PIGG: variants seen among roughly 807,000 people sequenced by gnomAD.
The protein encoded by PIGG is GPI ethanolamine phosphate transferase 2, catalytic subunit.
PIGG carries 70 observed loss-of-function variants against 83.2 expected under a neutral mutation model. The observed-to-expected ratio is 0.84, with a 90% CI of 0.69 to 1.03. The LOEUF (loss-of-function observed/expected upper bound fraction) is 1.03. Ranked by LOEUF, PIGG falls within the 50% of genes least tolerant of loss-of-function variation. PIGG has a pLI of 0.00. For synonymous variants in PIGG, 532 were observed against 519.5 expected (o/e 1.02, Z -0.33); for missense variants, 1,257 against 1,233.6 (o/e 1.02, Z -0.28).
At chr4:530,948 T>C (rs920485243) in intron 11 of PIGG, 4 of 559,130 alleles carry the variant, frequency 7.2e-6, no homozygotes, top group African/African-American at 1.9e-5. Flanking sequence ...GTGTGGGTGC[T>C]TAAGACAGCA....
In PIGG at chr4:533,831, A is replaced by G. The variant is rs1480114110; in HGVS notation, c.2585A>G (p.Asn862Ser). 2 of 1,614,136 alleles carry G rather than the reference A, an allele frequency of 1.2e-6. No individual in the cohort carries two copies. The highest frequency in any genetic ancestry group is 1.7e-5 in the Admixed American group (1 of 60,028). Residue 862 changes from asparagine to serine, a missense_variant, in exon 12 of 13, where the codon AAC becomes AGC. Coordinates refer to ENST00000453061, the MANE Select transcript of PIGG (RefSeq NM_001127178.3). ...AFFYFQGNSN[N>S]IATVDISAGF... is the part of the protein sequence containing the mutation. ...CCTGTATTCCAGGGCAACTCCAACA[A>G]CATTGCCACCGTGGACATCTCCGCA...
intron 5 of PIGG, among the ~76,000 whole-genome samples, chr4:512,869 G>C (rs1421631799): frequency 6.6e-6 from 1 of 152,130 alleles, no homozygotes; most frequent in Non-Finnish European, 1.5e-5. Context: ...TTCTCTATTT[G>C]ATGAGGAAAA....
intron 6 of PIGG, among the ~76,000 whole-genome samples, chr4:519,037 G>A (rs1268892798): frequency 6.6e-6 from 1 of 151,966 alleles, no homozygotes; most frequent in East Asian, 1.9e-4. Flanking sequence ...CGAATTCCTG[G>A]GTACCGTTTA....
intron 2 of PIGG, among the ~76,000 whole-genome samples, chr4:504,310 CT>C (rs1560275064): frequency 1.3e-5 from 2 of 152,146 alleles, no homozygotes; most frequent in African/African-American, 4.8e-5. Context: ...TTCAGCACCC[CT>C]GATGTGTTTT....
At position 528,321 on chromosome 4, in the gene PIGG, T is replaced by G; in HGVS notation, c.2261+1091T>G. The G allele has an allele frequency of 2.0e-6, 2 of 985,110 alleles. No homozygotes were observed. Among genetic ancestry groups the G allele is most frequent in the Non-Finnish European group, 2.4e-6 (2 of 829,584 alleles). The allele number at this position is 985,110 out of a possible 1,614,324, so 61.0% of individuals were successfully genotyped here. ...AATCATAAGATTGTGGTCTTGCTTT[T>G]TACTTATTTTTGTATCTTAGCGATG... On this transcript the variant is annotated intron_variant, in intron 10 of 12. Transcript: ENST00000453061. The surrounding 1 kb of genome is among the most constrained non-coding windows in gnomAD (Gnocchi z 4.8).
intron 5 of PIGG, among the ~76,000 whole-genome samples, chr4:512,380 T>C (rs1222616245): frequency 1.3e-5 from 2 of 151,410 alleles, no homozygotes; most frequent in Non-Finnish European, 2.9e-5. Context: ...CCACCACCGG[T>C]TAATTTTTGT....
rs782589600 is a variant in PIGG, at chr4:505,947, A to C, written c.570+20A>C. ...ACAGAGGTCAGTTTTTAAAATAAGA[A>C]AATATATCATACTAGAATATCATAC... is the stretch of plus-strand genomic sequence containing the variant. On this transcript the variant is annotated intron_variant, in intron 3 of 12. Transcript: ENST00000453061. The C allele has an allele frequency of 2.7e-6, 4 of 1,498,050 alleles. No individual in the cohort carries two copies. In the East Asian group the frequency reaches 9.0e-5, roughly 34 times the overall value. The allele number at this position is 1,498,050 out of a possible 1,614,324, so 92.8% of individuals were successfully genotyped here.
chr4:534,013 T>G, intron 12 of PIGG, 32 bp downstream of exon 12: 1 of 1,604,466 alleles, frequency 6.2e-7, no homozygotes, highest in Non-Finnish European at 8.5e-7. Context: ...AGCACAGTTC[T>G]GGGGGCCGGC....
chr4:533,747 C>G (rs1729656647), intron 11 of PIGG, 71 bp from the exon 12 acceptor site: 1 of 1,441,166 alleles, frequency 6.9e-7, no homozygotes, highest in Non-Finnish European at 9.7e-7. Context: ...AACATCGTGG[C>G]TCACGCTAAC....
chr4:507,294 C>G, intron 3 of PIGG, 111 bp from the exon 4 acceptor site: 1 of 833,052 alleles, frequency 1.2e-6, no homozygotes. Context: ...CCCCCAAATC[C>G]TGTAACCTGA....
intron 8 of PIGG, among the ~76,000 whole-genome samples, chr4:522,994 G>A (rs1726457863): frequency 6.6e-6 from 1 of 152,194 alleles, no homozygotes; most frequent in African/African-American, 2.4e-5. Context: ...TTGGTGGGAT[G>A]TATTGTTGAG....
At chr4:535,387 G>A (rs985553366) in intron 12 of PIGG, among the ~76,000 whole-genome samples, 3 of 152,186 alleles carry the variant, frequency 2.0e-5, no homozygotes, top group African/African-American at 7.2e-5. Flanking sequence ...ACGAATCCCC[G>A]CAGCGCCTAT....
chr4:517,459 G>A (rs1014227025), intron 6 of PIGG, among the ~76,000 whole-genome samples: 1 of 152,160 alleles, frequency 6.6e-6, no homozygotes, highest in African/African-American at 2.4e-5. Context: ...AGGAGGGCAC[G>A]ACTTAGGAGG....
At chr4:513,909 G>A (rs1159335255) in intron 5 of PIGG, among the ~76,000 whole-genome samples, 2 of 152,178 alleles carry the variant, frequency 1.3e-5, no homozygotes, top group Admixed American at 1.3e-4. Context: ...TGGGGACTTG[G>A]TGACAAAGGT....
rs73072157 is a variant in PIGG at position 528,954 on chromosome 4, T to C, written c.2262-1482T>C. ...ACAGAGGCATCCTGGCTCTAGATCA[T>C]TGTAACAGCTGCCGCTCTCCTGTCA... On this transcript the variant is annotated intron_variant, in intron 10 of 12. Coordinates refer to ENST00000453061, the MANE Select transcript of PIGG (RefSeq NM_001127178.3). This position sits in a 1 kb window ranked among gnomAD's most constrained non-coding sequence, Gnocchi z 4.8. Among the ~76,000 whole-genome samples the C allele has an allele frequency of 7.7e-3, 1,178 of 152,248 alleles. 17 individuals are homozygous for C. Among genetic ancestry groups the C allele is most frequent in the African/African-American group, 0.027 (1,106 of 41,538 alleles).
intron 11 of PIGG, chr4:533,524 G>T: frequency 2.4e-6 from 1 of 412,008 alleles, no homozygotes; most frequent in Non-Finnish European, 4.5e-6. Flanking sequence ...TCAGCCAGCC[G>T]GTCTGTGTGT....
intron 8 of PIGG, among the ~76,000 whole-genome samples, chr4:523,211 G>C (rs1726531378): frequency 6.6e-6 from 1 of 152,170 alleles, no homozygotes; most frequent in Non-Finnish European, 1.5e-5. Flanking sequence ...ACAGCTGGCT[G>C]GCCGTGCAGT....
At chr4:534,948 C>G (rs1179191760) in intron 12 of PIGG, among the ~76,000 whole-genome samples, 1 of 152,248 alleles carries the variant, frequency 6.6e-6, no homozygotes, top group Non-Finnish European at 1.5e-5. Flanking sequence ...CGGGGAAACC[C>G]AGATCAAGGG....
At chr4:508,512 CAG>C (rs1720693811) in intron 4 of PIGG, among the ~76,000 whole-genome samples, 2 of 152,232 alleles carry the variant, frequency 1.3e-5, no homozygotes, top group African/African-American at 4.8e-5. Flanking sequence ...GACCAAGGCA[CAG>C]AGTAGAATGC....
Sources: allele counts gnomAD v4.1 joint callset (sites outside exome capture counted in the v4.1 genomes callset), GRCh38; gene constraint gnomAD v4.1.1; non-coding constraint Gnocchi (gnomAD v3.1); transcripts MANE v1.5; gene names NCBI Gene and HGNC (gene_info 2026-07-23, HGNC 2026-07-21).